ROCK1: variants seen among roughly 807,000 people sequenced by gnomAD.
The protein encoded by ROCK1 is Rho associated coiled-coil containing protein kinase 1.
A neutral mutation model predicts 196.8 loss-of-function variants in ROCK1; 36 were observed. The ratio of observed to expected loss-of-function variants is 0.18; its 90% confidence interval spans 0.14 to 0.24. The LOEUF is 0.24. Among genes scored for constraint, ROCK1 ranks in the 10% least tolerant of loss-of-function variants. The probability of loss-of-function intolerance (pLI) is 1.00; values close to 1 mark genes in which losing one functional copy is unlikely to be tolerated. For synonymous variants in ROCK1, 443 were observed against 515.9 expected (o/e 0.86, Z 1.91); for missense variants, 920 against 1,562.0 (o/e 0.59, Z 6.93).
intron 27 of ROCK1, among the ~76,000 whole-genome samples, chr18:20,964,209 C>A (rs2143347227): frequency 6.6e-6 from 1 of 152,078 alleles, no homozygotes; most frequent in Middle Eastern, 3.4e-3. Context: ...CTATTCAAAG[C>A]CCTCTCCTTT....
intron 19 of ROCK1, 84 bp downstream of exon 19, chr18:20,986,866 T>C (rs1245220080): frequency 2.4e-6 from 3 of 1,226,036 alleles, no homozygotes; most frequent in African/African-American, 3.0e-5. Context: ...CTTCATGGTG[T>C]TTAAATTATA....
At chr18:20,959,114 TTA>T (rs1568367450) in intron 29 of ROCK1, among the ~76,000 whole-genome samples, 1 of 49,386 alleles carries the variant, frequency 2.0e-5, no homozygotes, top group Non-Finnish European at 3.1e-5. Flanking sequence ...TATATATATA[TTA>T]TATAATATAT....
At chr18:21,024,508 A>G (rs1395036738) in intron 10 of ROCK1, among the ~76,000 whole-genome samples, 1 of 152,196 alleles carries the variant, frequency 6.6e-6, no homozygotes, top group Admixed American at 6.5e-5. Flanking sequence ...CATCACCACC[A>G]CTACAGTCAG....
chr18:21,031,307 G>T (rs555843319), intron 9 of ROCK1, among the ~76,000 whole-genome samples: 3 of 152,170 alleles, frequency 2.0e-5, no homozygotes, highest in Non-Finnish European at 4.4e-5. Context: ...AGGGAATATA[G>T]AAAAATGTTA....
Position 20,987,027 on chromosome 18 carries a change from T to G in ROCK1, c.2227A>C (p.Met743Leu), listed in dbSNP as rs2035584193. The G allele has an allele frequency of 6.2e-7, 1 of 1,612,760 alleles. No individual in the cohort carries two copies. The highest frequency in any genetic ancestry group is 8.5e-7 in the Non-Finnish European group (1 of 1,179,610). ...GATTGCTTCAGATCAACGTCTAGCA[T>G]GGAACACTGTTTCTCAATCTGAACA... The part of the protein sequence containing the change: ...RVVQIEKQCS[M>L]LDVDLKQSQQ... Residue 743 changes from methionine to leucine, a missense_variant, in exon 19 of 33, where the codon ATG becomes CTG. Transcript: ENST00000399799.
At chr18:21,109,433 T>C (rs2036730532) in intron 1 of ROCK1, among the ~76,000 whole-genome samples, 1 of 152,170 alleles carries the variant, frequency 6.6e-6, no homozygotes, top group Admixed American at 6.5e-5. Flanking sequence ...ATATGAAAAC[T>C]GGATAAATAT....
At chr18:21,037,779 G>A (rs2036069751) in intron 9 of ROCK1, among the ~76,000 whole-genome samples, 1 of 152,062 alleles carries the variant, frequency 6.6e-6, no homozygotes, top group Admixed American at 6.6e-5. Flanking sequence ...ATAAGACTAT[G>A]AGCTCCAGAA....
At chr18:21,088,369 G>A (rs1428021780) in intron 1 of ROCK1, among the ~76,000 whole-genome samples, 1 of 152,064 alleles carries the variant, frequency 6.6e-6, no homozygotes, top group Non-Finnish European at 1.5e-5. Flanking sequence ...CGAGGCACAC[G>A]CCTGTGGTCC....
chr18:21,108,703 A>G (rs1057511204), intron 1 of ROCK1, among the ~76,000 whole-genome samples: 6 of 152,230 alleles, frequency 3.9e-5, no homozygotes, highest in African/African-American at 4.8e-5. Context: ...TCATGCCCCA[A>G]TTTTGGGCTT....
chr18:21,062,911 C>T (rs1025351713), intron 2 of ROCK1, among the ~76,000 whole-genome samples: 3 of 151,474 alleles, frequency 2.0e-5, no homozygotes, highest in Non-Finnish European at 4.4e-5. Flanking sequence ...TCAGGTTTGG[C>T]AGTAAAAACA....
intron 27 of ROCK1, 98 bp downstream of exon 27, chr18:20,966,819 T>C (rs1184855254): frequency 1.4e-5 from 13 of 922,542 alleles, no homozygotes; most frequent in Non-Finnish European, 1.8e-5. Context: ...TAGGAATCCA[T>C]GGACAAAATG....
intron 1 of ROCK1, among the ~76,000 whole-genome samples, chr18:21,077,568 C>G (rs560575544): frequency 6.6e-6 from 1 of 151,774 alleles, no homozygotes; most frequent in South Asian, 2.1e-4. Context: ...GGACACAACA[C>G]ATACAATAGA....
intron 6 of ROCK1, among the ~76,000 whole-genome samples, chr18:21,043,656 A>G (rs368673228): frequency 1.6e-4 from 24 of 149,526 alleles, no homozygotes; most frequent in African/African-American, 5.8e-4. Context: ...CAGTGAGGAT[A>G]GGTATCTTTT....
intron 29 of ROCK1, among the ~76,000 whole-genome samples, chr18:20,959,536 A>G (rs1461629781): frequency 6.6e-6 from 1 of 151,164 alleles, no homozygotes; most frequent in Admixed American, 6.6e-5. Context: ...TTCTATCCAC[A>G]GTTGTGGATA....
At chr18:21,070,446 T>A (rs887054907) in intron 2 of ROCK1, 86 bp downstream of exon 2, 11 of 675,892 alleles carry the variant, frequency 1.6e-5, no homozygotes, top group South Asian at 1.0e-4. Context: ...AAAAAGTAAA[T>A]AGAAGAAAAA....
intron 21 of ROCK1, among the ~76,000 whole-genome samples, chr18:20,980,354 T>A (rs1336988069): frequency 6.6e-6 from 1 of 151,884 alleles, no homozygotes. Flanking sequence ...ATATGCTGAG[T>A]GAAAGAAACC....
intron 27 of ROCK1, among the ~76,000 whole-genome samples, chr18:20,961,777 T>C (rs987648432): frequency 3.9e-5 from 6 of 151,938 alleles, no homozygotes; most frequent in Non-Finnish European, 7.4e-5. Flanking sequence ...GTAACTTTAG[T>C]TCAAAATGAT....
At chr18:21,097,590 C>T (rs1285601196) in intron 1 of ROCK1, among the ~76,000 whole-genome samples, 1 of 152,120 alleles carries the variant, frequency 6.6e-6, no homozygotes, top group East Asian at 1.9e-4. Context: ...CAAGATTACA[C>T]AACTAAATAA....
intron 2 of ROCK1, 31 bp from the exon 3 acceptor site, chr18:21,049,911 A>G (rs777437689): frequency 2.3e-6 from 3 of 1,300,962 alleles, no homozygotes; most frequent in African/African-American, 1.5e-5. Flanking sequence ...ATCATTTTAA[A>G]TCACTAAAGC....
Sources: allele counts gnomAD v4.1 joint callset (sites outside exome capture counted in the v4.1 genomes callset), GRCh38; gene constraint gnomAD v4.1.1; transcripts MANE v1.5; gene names NCBI Gene and HGNC (gene_info 2026-07-23, HGNC 2026-07-21).